The following FRMD5 variants were observed in gnomAD, a reference collection of about 807,000 sequenced individuals.
FRMD5 encodes the protein FERM domain containing 5, also known as FERM domain-containing protein 5.
FRMD5 carries 20 observed loss-of-function variants against 69.0 expected under a neutral mutation model. That is an observed-to-expected ratio of 0.29 (90% CI 0.20 to 0.42). The LOEUF is 0.42. Among genes scored for constraint, FRMD5 ranks in the 10% least tolerant of loss-of-function variants. The pLI is 1.00. For missense variants in FRMD5, 595 were observed against 708.6 expected, an observed-to-expected ratio of 0.84 and a Z score of 1.82; for synonymous variants, 271 against 260.1, an observed-to-expected ratio of 1.04 and a Z score of -0.40.
At chr15:43,904,534 TTTTA>T (rs1455808809) in intron 6 of FRMD5, among the ~76,000 whole-genome samples, 1 of 151,948 alleles carries the variant, frequency 6.6e-6, no homozygotes, top group African/African-American at 2.4e-5. Context: ...CATCTGGCTT[TTTTA>T]TTTATTTACT....
At chr15:43,996,497 C>T (rs1417642804) in intron 1 of FRMD5, among the ~76,000 whole-genome samples, 5 of 152,158 alleles carry the variant, frequency 3.3e-5, no homozygotes, top group Non-Finnish European at 7.4e-5. Context: ...CATGATACCT[C>T]ATTGCTGTAC....
At chr15:43,973,727 A>G (rs1283286421) in intron 1 of FRMD5, among the ~76,000 whole-genome samples, 2 of 152,086 alleles carry the variant, frequency 1.3e-5, no homozygotes, top group Admixed American at 1.3e-4. Flanking sequence ...ATACTGCAGC[A>G]TTATAATACA....
chr15:44,034,776 G>A (rs901004912), intron 1 of FRMD5, among the ~76,000 whole-genome samples: 2 of 152,110 alleles, frequency 1.3e-5, no homozygotes, highest in Non-Finnish European at 2.9e-5. Context: ...GAGCTGAGGG[G>A]GGAAGAGAAG....
intron 13 of FRMD5, chr15:43,879,622 G>C (rs1013673453): frequency 5.0e-6 from 2 of 398,952 alleles, no homozygotes; most frequent in Non-Finnish European, 8.8e-6. Flanking sequence ...TTAGTCAGCC[G>C]GAGCTGGACC....
At chr15:44,178,159 T>C (rs377015983) in intron 1 of FRMD5, among the ~76,000 whole-genome samples, 1 of 151,818 alleles carries the variant, frequency 6.6e-6, no homozygotes, top group Non-Finnish European at 1.5e-5. Flanking sequence ...CTATCTCTAC[T>C]AAAAACACAC....
intron 1 of FRMD5, among the ~76,000 whole-genome samples, chr15:43,931,949 G>C (rs1008183): frequency 0.12 from 18,174 of 152,116 alleles, 1,800 homozygotes; most frequent in African/African-American, 0.27. Context: ...CTTTGAGAAC[G>C]AGCACTAAGT....
At chr15:43,917,576 G>A (rs1266341366) in intron 4 of FRMD5, 1 of 151,908 alleles carries the variant, frequency 6.6e-6, no homozygotes, top group Non-Finnish European at 1.5e-5. Flanking sequence ...GTAGAGATGG[G>A]GCTTCACCAA....
intron 1 of FRMD5, among the ~76,000 whole-genome samples, chr15:43,930,974 C>T (rs1342616757): frequency 6.6e-6 from 1 of 152,196 alleles, no homozygotes; most frequent in Non-Finnish European, 1.5e-5. Flanking sequence ...TGCTGTTGTA[C>T]AGCTTGTAAG....
chr15:44,063,898 A>G (rs1893201230), intron 1 of FRMD5: 1 of 272,204 alleles, frequency 3.7e-6, no homozygotes, highest in Non-Finnish European at 7.1e-6. Flanking sequence ...CGACGTCCCC[A>G]TGTTTGTAAT....
intron 1 of FRMD5, among the ~76,000 whole-genome samples, chr15:43,996,270 A>G (rs1369292673): frequency 1.3e-5 from 2 of 152,020 alleles, no homozygotes; most frequent in Admixed American, 6.6e-5. Flanking sequence ...CTGTAGGTAC[A>G]GGCCTGGAGT....
At chr15:44,140,880 C>CAAAAAAAAAAA (rs1203954176) in intron 1 of FRMD5, among the ~76,000 whole-genome samples, 1 of 31,928 alleles carries the variant, frequency 3.1e-5, no homozygotes, top group Non-Finnish European at 6.6e-5. Context: ...GAGACTGTCT[C>CAAAAAAAAAAA]AAAAAAAAAA....
intron 1 of FRMD5, among the ~76,000 whole-genome samples, chr15:43,943,431 C>A (rs2089894790): frequency 6.6e-6 from 1 of 152,118 alleles, no homozygotes; most frequent in Non-Finnish European, 1.5e-5. Flanking sequence ...ACTGTAAGAC[C>A]TTGGATATTT....
chr15:43,933,430 T>C (rs983252165), intron 1 of FRMD5, among the ~76,000 whole-genome samples: 1 of 152,222 alleles, frequency 6.6e-6, no homozygotes, highest in Non-Finnish European at 1.5e-5. Context: ...CTAAAGTTTC[T>C]AGTTCATAGG....
intron 1 of FRMD5, among the ~76,000 whole-genome samples, chr15:44,132,949 G>A (rs1427942059): frequency 6.6e-6 from 1 of 151,606 alleles, no homozygotes; most frequent in Non-Finnish European, 1.5e-5. Flanking sequence ...TTTTAGTAGA[G>A]ATGGGGTTTC....
intron 1 of FRMD5, among the ~76,000 whole-genome samples, chr15:44,067,129 A>C (rs555339325): frequency 6.6e-6 from 1 of 152,274 alleles, no homozygotes; most frequent in African/African-American, 2.4e-5. Flanking sequence ...AAAGAGTGAA[A>C]ATACATGGAA....
At chr15:44,026,258 G>C (rs1184922635) in intron 1 of FRMD5, among the ~76,000 whole-genome samples, 1 of 152,222 alleles carries the variant, frequency 6.6e-6, no homozygotes. Context: ...TGGGATTGCA[G>C]GCATGAACCC....
At chr15:44,118,879 G>T (rs954721643) in intron 1 of FRMD5, among the ~76,000 whole-genome samples, 3 of 151,716 alleles carry the variant, frequency 2.0e-5, no homozygotes, top group African/African-American at 7.3e-5. Context: ...GTGCTCAAAT[G>T]ATCCACCCAC....
intron 1 of FRMD5, among the ~76,000 whole-genome samples, chr15:44,182,155 T>C (rs1169282871): frequency 7.6e-6 from 1 of 132,206 alleles, no homozygotes; most frequent in Admixed American, 7.6e-5. Flanking sequence ...GGATTACAGG[T>C]GTGCGCCACC....
At chr15:44,148,983 G>A (rs2077402264) in intron 1 of FRMD5, among the ~76,000 whole-genome samples, 1 of 151,976 alleles carries the variant, frequency 6.6e-6, no homozygotes, top group Non-Finnish European at 1.5e-5. Flanking sequence ...AAAATTATTA[G>A]TCTAAAAACT....
Sources: gnomAD v4.1 joint callset for allele counts (sites outside exome capture counted in the v4.1 genomes callset) on GRCh38, gnomAD v4.1.1 for gene constraint, MANE v1.5 for transcripts, NCBI Gene and HGNC (gene_info 2026-07-23, HGNC 2026-07-21) for gene names.